DRC11: variants seen among roughly 807,000 people sequenced by gnomAD.
DRC11 encodes dynein regulatory complex subunit 11.
chr2:236,450,697 T>A, the DRC11 span, among the ~76,000 whole-genome samples: 1 of 152,204 alleles, frequency 6.6e-6, no homozygotes, highest in Non-Finnish European at 1.5e-5. Context: ...CCATTCTTAC[T>A]ACGTTTTTAA....
At chr2:236,374,165 G>A in the DRC11 span, among the ~76,000 whole-genome samples, 73 of 152,196 alleles carry the variant, frequency 4.8e-4, no homozygotes, top group African/African-American at 1.6e-3. Flanking sequence ...CTTGTACTTT[G>A]GGGCTCAATG....
the DRC11 span, among the ~76,000 whole-genome samples, chr2:236,349,556 A>G: frequency 3.9e-5 from 6 of 152,224 alleles, no homozygotes; most frequent in East Asian, 1.9e-4. The surrounding 1 kb of genome is among the most constrained non-coding windows in gnomAD (Gnocchi z 5.5). Context: ...GAATGAGACT[A>G]TGTCTTTAGC....
chr2:236,436,134 T>A, the DRC11 span, among the ~76,000 whole-genome samples: 2 of 152,234 alleles, frequency 1.3e-5, no homozygotes, highest in African/African-American at 4.8e-5. Context: ...CATTACTTTA[T>A]ACATGTAATT....
the DRC11 span, among the ~76,000 whole-genome samples, chr2:236,459,499 A>ACG: frequency 1.1e-4 from 13 of 120,562 alleles, no homozygotes; most frequent in Admixed American, 1.7e-4. Context: ...ATACGTATAT[A>ACG]TGTATACGTA....
chr2:236,366,903 G>A, the DRC11 span, among the ~76,000 whole-genome samples: 1 of 151,038 alleles, frequency 6.6e-6, no homozygotes, highest in Admixed American at 6.6e-5. Flanking sequence ...GCGTGATCCC[G>A]GGTTCCAGCA....
the DRC11 span, among the ~76,000 whole-genome samples, chr2:236,405,681 C>T: frequency 3.9e-5 from 6 of 152,138 alleles, no homozygotes; most frequent in East Asian, 1.9e-4. The surrounding 1 kb of genome is among the most constrained non-coding windows in gnomAD (Gnocchi z 4.6). Flanking sequence ...TTGATTTAGA[C>T]GATAGTAGTC....
chr2:236,479,928 G>T, the DRC11 span, among the ~76,000 whole-genome samples: 3 of 151,704 alleles, frequency 2.0e-5, no homozygotes, highest in Non-Finnish European at 2.9e-5. The surrounding 1 kb of genome is among the most constrained non-coding windows in gnomAD (Gnocchi z 4.1). Flanking sequence ...TGGCAGTGAT[G>T]AATTCCCTCA....
chr2:236,317,540 C>T, the DRC11 span, among the ~76,000 whole-genome samples: 2 of 152,100 alleles, frequency 1.3e-5, no homozygotes, highest in East Asian at 3.9e-4. This position sits in a 1 kb window ranked among gnomAD's most constrained non-coding sequence, Gnocchi z 5.4. Context: ...GAAATCAGGA[C>T]AATAGTTGCC....
the DRC11 span, among the ~76,000 whole-genome samples, chr2:236,340,950 G>A: frequency 1.3e-5 from 2 of 152,088 alleles, no homozygotes; most frequent in South Asian, 2.1e-4. Flanking sequence ...GTGCAGAGCC[G>A]TCTGTTATGC....
chr2:236,425,033 T>C, the DRC11 span, among the ~76,000 whole-genome samples: 1 of 152,056 alleles, frequency 6.6e-6, no homozygotes, highest in Admixed American at 6.5e-5. Flanking sequence ...ACTGGGTATA[T>C]ACAATACATT....
the DRC11 span, among the ~76,000 whole-genome samples, chr2:236,416,716 TATATTTATA>T: frequency 1.2e-5 from 1 of 82,928 alleles, no homozygotes. Flanking sequence ...TACATATATA[TATATTTATA>T]TATATATATA....
the DRC11 span, among the ~76,000 whole-genome samples, chr2:236,446,411 G>A: frequency 4.5e-4 from 68 of 152,330 alleles, no homozygotes; most frequent in African/African-American, 1.5e-3. The surrounding 1 kb of genome is among the most constrained non-coding windows in gnomAD (Gnocchi z 6.2). Flanking sequence ...CCCATCTGGG[G>A]ACTTCCCCAG....
the DRC11 span, among the ~76,000 whole-genome samples, chr2:236,482,230 A>T: frequency 6.6e-6 from 1 of 152,018 alleles, no homozygotes; most frequent in Non-Finnish European, 1.5e-5. This position sits in a 1 kb window ranked among gnomAD's most constrained non-coding sequence, Gnocchi z 4.5. Flanking sequence ...TAATGCTGGC[A>T]TATCACTACA....
At chr2:236,433,122 G>A in the DRC11 span, among the ~76,000 whole-genome samples, 1 of 151,692 alleles carries the variant, frequency 6.6e-6, no homozygotes, top group Admixed American at 6.6e-5. Flanking sequence ...TGCCTTTTTA[G>A]TCTTTTGTCT....
At chr2:236,481,110 G>A in the DRC11 span, among the ~76,000 whole-genome samples, 2 of 152,236 alleles carry the variant, frequency 1.3e-5, no homozygotes, top group Non-Finnish European at 2.9e-5. Context: ...GTGTGGTGCT[G>A]CTGAACAGCC....
At chr2:236,476,674 T>C in the DRC11 span, among the ~76,000 whole-genome samples, 1 of 152,188 alleles carries the variant, frequency 6.6e-6, no homozygotes, top group African/African-American at 2.4e-5. The surrounding 1 kb of genome is among the most constrained non-coding windows in gnomAD (Gnocchi z 4.7). Context: ...TGTTGAACCA[T>C]TCTTGCATCC....
chr2:236,486,998 A>G, the DRC11 span: 4 of 839,058 alleles, frequency 4.8e-6, no homozygotes, highest in African/African-American at 6.9e-5. This position sits in a 1 kb window ranked among gnomAD's most constrained non-coding sequence, Gnocchi z 5.7. Flanking sequence ...TCAAAATGCC[A>G]ACTAATCCTA....
chr2:236,358,129 T>C, the DRC11 span, among the ~76,000 whole-genome samples: 1 of 116,640 alleles, frequency 8.6e-6, no homozygotes, highest in Admixed American at 1.0e-4. Flanking sequence ...TATGAATATA[T>C]ATTTATAATA....
chr2:236,478,454 C>T, the DRC11 span, among the ~76,000 whole-genome samples: 1 of 152,124 alleles, frequency 6.6e-6, no homozygotes, highest in Non-Finnish European at 1.5e-5. This position sits in a 1 kb window ranked among gnomAD's most constrained non-coding sequence, Gnocchi z 5.9. Context: ...TGGCCTAACA[C>T]GTACTATATT....
Sources: allele counts gnomAD v4.1 joint callset (sites outside exome capture counted in the v4.1 genomes callset), GRCh38; gene constraint gnomAD v4.1.1; non-coding constraint Gnocchi (gnomAD v3.1); transcripts MANE v1.5; gene names NCBI Gene and HGNC (gene_info 2026-07-23, HGNC 2026-07-21).